Variants in RIT2 observed in about 807,000 individuals in gnomAD.
The protein encoded by RIT2 is GTP-binding protein Rit2.
A neutral mutation model predicts 23.7 loss-of-function variants in RIT2; 24 were observed. The observed-to-expected ratio is 1.01, with a 90% CI of 0.73 to 1.43. RIT2 has a LOEUF of 1.43. Among genes scored for constraint, RIT2 ranks in the 40% most tolerant of loss-of-function variants. The pLI is 0.00. For synonymous variants in RIT2, 107 were observed against 91.1 expected, an observed-to-expected ratio of 1.17 and a Z score of -0.99; for missense variants, 236 against 266.9, an observed-to-expected ratio of 0.88 and a Z score of 0.81.
chr18:42,960,707 A>G (rs745340954), intron 3 of RIT2, among the ~76,000 whole-genome samples: 1 of 152,190 alleles, frequency 6.6e-6, no homozygotes, highest in Non-Finnish European at 1.5e-5. Flanking sequence ...GATATTTCCT[A>G]ACTACATTTT....
intron 1 of RIT2, among the ~76,000 whole-genome samples, chr18:43,084,176 C>A (rs1913225794): frequency 6.6e-6 from 1 of 152,128 alleles, no homozygotes; most frequent in African/African-American, 2.4e-5. Context: ...AAATCAAAAC[C>A]ATAGTGAGAT....
intron 4 of RIT2, among the ~76,000 whole-genome samples, chr18:42,861,114 A>G (rs1207752114): frequency 1.3e-5 from 2 of 152,250 alleles, no homozygotes; most frequent in African/African-American, 4.8e-5. Context: ...AAATAAAACA[A>G]CTATATTTGG....
At chr18:42,856,522 T>G (rs2144043283) in intron 4 of RIT2, among the ~76,000 whole-genome samples, 1 of 152,326 alleles carries the variant, frequency 6.6e-6, no homozygotes, top group Admixed American at 6.5e-5. Context: ...TTTCTCCAAC[T>G]AATCTGCCTT....
At chr18:43,073,268 G>T (rs1912938486) in intron 1 of RIT2, among the ~76,000 whole-genome samples, 1 of 152,140 alleles carries the variant, frequency 6.6e-6, no homozygotes, top group Admixed American at 6.5e-5. Context: ...CCACTTGTTT[G>T]CCGTTTATGT....
At position 42,929,034 on chromosome 18, in the gene RIT2, G is replaced by T. The variant is rs372387358; in HGVS notation, c.235-5271C>A. ...ACATATACTAAAACTAAAATATGGA[G>T]ATATATATATATATATATATATATT... is the stretch of plus-strand genomic sequence containing the variant. On this transcript the variant is annotated intron_variant, in intron 3 of 4. Coordinates refer to ENST00000326695, the MANE Select transcript of RIT2 (RefSeq NM_002930.4). 2.8e-3 allele frequency among the ~76,000 whole-genome samples: 267 copies of T among 96,938 alleles called. 1 individual carries two copies. The highest frequency in any genetic ancestry group is 9.8e-3 in the African/African-American group (248 of 25,294). The allele number at this position is 96,938 out of a possible 152,430, so 63.6% of individuals were successfully genotyped here.
At chr18:42,967,177 T>C (rs1163907642) in intron 3 of RIT2, among the ~76,000 whole-genome samples, 2 of 152,100 alleles carry the variant, frequency 1.3e-5, no homozygotes, top group African/African-American at 4.8e-5. Flanking sequence ...TCTCTCTCTA[T>C]ATATATCTAT....
chr18:42,807,985 G>A (rs1456515158), intron 4 of RIT2, among the ~76,000 whole-genome samples: 1 of 152,190 alleles, frequency 6.6e-6, no homozygotes, highest in Non-Finnish European at 1.5e-5. Context: ...TGGCATATGT[G>A]GATGATGTGT....
intron 3 of RIT2, among the ~76,000 whole-genome samples, chr18:42,954,746 T>C (rs959093286): frequency 2.6e-5 from 4 of 152,182 alleles, no homozygotes; most frequent in African/African-American, 7.2e-5. Context: ...TGCATGTTTA[T>C]GTCCCTGATC....
intron 4 of RIT2, among the ~76,000 whole-genome samples, chr18:42,873,763 C>G (rs1489034650): frequency 6.6e-6 from 1 of 152,134 alleles, no homozygotes; most frequent in Non-Finnish European, 1.5e-5. Context: ...GAATGCCACA[C>G]TCCTAAAATT....
intron 1 of RIT2, among the ~76,000 whole-genome samples, chr18:43,110,314 T>C (rs981857509): frequency 6.6e-6 from 1 of 151,948 alleles, no homozygotes; most frequent in East Asian, 1.9e-4. Context: ...TAACTTAGAA[T>C]AAATCCCAAA....
At chr18:43,075,872 T>G (rs1305382634) in intron 1 of RIT2, among the ~76,000 whole-genome samples, 1 of 152,228 alleles carries the variant, frequency 6.6e-6, no homozygotes, top group Admixed American at 6.5e-5. Flanking sequence ...ATGAGCTTTT[T>G]GAAGATGATT....
At chr18:42,921,454 T>G (rs1166786601) in intron 4 of RIT2, among the ~76,000 whole-genome samples, 1 of 152,090 alleles carries the variant, frequency 6.6e-6, no homozygotes, top group African/African-American at 2.4e-5. Flanking sequence ...ATGCTTGCAA[T>G]TCACTTCACT....
At chr18:43,091,656 A>T (rs1004619291) in intron 1 of RIT2, among the ~76,000 whole-genome samples, 2 of 152,194 alleles carry the variant, frequency 1.3e-5, no homozygotes. Flanking sequence ...TTCTCCGGAA[A>T]TTAAAACAAA....
intron 2 of RIT2, among the ~76,000 whole-genome samples, chr18:42,976,188 A>T (rs571366223): frequency 5.3e-5 from 8 of 152,218 alleles, no homozygotes; most frequent in African/African-American, 1.9e-4. Context: ...AAAGATAAAG[A>T]AATGCTTCCT....
At chr18:42,817,635 A>G (rs1485207459) in intron 4 of RIT2, among the ~76,000 whole-genome samples, 1 of 151,986 alleles carries the variant, frequency 6.6e-6, no homozygotes, top group Admixed American at 6.6e-5. Flanking sequence ...TTAAATGGAG[A>G]TTGAGAATTG....
chr18:43,113,591 T>C (rs1258318393), intron 1 of RIT2, among the ~76,000 whole-genome samples: 1 of 152,030 alleles, frequency 6.6e-6, no homozygotes, highest in Non-Finnish European at 1.5e-5. Flanking sequence ...TTGGGAGAGA[T>C]CAAAATAGAA....
At chr18:42,778,016 G>A (rs1187336305) in intron 4 of RIT2, among the ~76,000 whole-genome samples, 1 of 152,130 alleles carries the variant, frequency 6.6e-6, no homozygotes, top group African/African-American at 2.4e-5. Context: ...TTGGTTTTCA[G>A]GAAAACTTTT....
chr18:42,974,184 A>C (rs2144204483), intron 2 of RIT2, 37 bp from the exon 3 acceptor site: 1 of 1,363,334 alleles, frequency 7.3e-7, no homozygotes, highest in Non-Finnish European at 1.0e-6. Context: ...TTTAAATGTG[A>C]CAGGAAAGGC....
rs746056433 is a variant in RIT2 at position 42,749,376 on chromosome 18, A to T, written c.427-5656T>A. On this transcript the variant is annotated intron_variant, in intron 4 of 4. Transcript: ENST00000326695. Reference sequence around the variant, plus strand: ...AAGCATGTTTTTAAAAAGCATAAACACTCAAATTTAATGATCAAAATATTA... The same window carrying T: ...AAGCATGTTTTTAAAAAGCATAAACTCTCAAATTTAATGATCAAAATATTA... Among the ~76,000 whole-genome samples, 128 of 151,930 alleles carry T rather than the reference A, an allele frequency of 8.4e-4. 1 individual carries two copies. Among genetic ancestry groups the T allele is most frequent in the Admixed American group, 1.4e-3 (21 of 15,260 alleles).
Sources: allele counts gnomAD v4.1 joint callset (sites outside exome capture counted in the v4.1 genomes callset), GRCh38; gene constraint gnomAD v4.1.1; transcripts MANE v1.5; gene names NCBI Gene and HGNC (gene_info 2026-07-23, HGNC 2026-07-21).